CDH13: variants seen among roughly 807,000 people sequenced by gnomAD.
CDH13 encodes cadherin 13, also known as cadherin-13.
Under a neutral mutation model 63.8 loss-of-function variants are expected in CDH13, and 24 were observed. The ratio of observed to expected loss-of-function variants is 0.38; its 90% CI spans 0.27 to 0.53. CDH13 has a LOEUF of 0.53. Among genes scored for constraint, CDH13 ranks in the 20% least tolerant of loss-of-function variants. CDH13 has a pLI of 0.85. For synonymous variants in CDH13, 503 were observed against 355.3 expected, an observed-to-expected ratio of 1.42 and a Z score of -4.67; for missense variants, 1,049 against 903.1, an observed-to-expected ratio of 1.16 and a Z score of -2.07.
At chr16:83,361,293 TGTTGAATTATTTAA>T (rs1247090200) in intron 6 of CDH13, among the ~76,000 whole-genome samples, 1 of 152,206 alleles carries the variant, frequency 6.6e-6, no homozygotes, top group Non-Finnish European at 1.5e-5. Flanking sequence ...GTTTTTCGCT[TGTTGAATTATTTAA>T]GTTCCTTATA....
At chr16:83,373,201 A>G (rs748855759) in intron 6 of CDH13, among the ~76,000 whole-genome samples, 10 of 152,216 alleles carry the variant, frequency 6.6e-5, no homozygotes, top group Non-Finnish European at 8.8e-5. Flanking sequence ...AGCAGACGGC[A>G]TGCTCAAACT....
intron 8 of CDH13, among the ~76,000 whole-genome samples, chr16:83,636,237 C>A (rs1179137603): frequency 6.6e-6 from 1 of 152,226 alleles, no homozygotes; most frequent in East Asian, 1.9e-4. Flanking sequence ...TAAGGCTTCA[C>A]ATCAAGTAGA....
At chr16:83,392,020 C>G (rs879567758) in intron 6 of CDH13, among the ~76,000 whole-genome samples, 13 of 152,144 alleles carry the variant, frequency 8.5e-5, no homozygotes, top group Admixed American at 8.5e-4. Context: ...CGCGGGGTGT[C>G]TAACACCTAA....
At chr16:83,637,111 A>G (rs1911332901) in intron 8 of CDH13, among the ~76,000 whole-genome samples, 1 of 152,180 alleles carries the variant, frequency 6.6e-6, no homozygotes, top group Admixed American at 6.5e-5. Context: ...GGTTATTTGT[A>G]GAAAACCATT....
At chr16:82,921,981 AACCAGTTTGGT>A (rs1408568136) in intron 2 of CDH13, among the ~76,000 whole-genome samples, 2 of 152,106 alleles carry the variant, frequency 1.3e-5, no homozygotes, top group Non-Finnish European at 2.9e-5. Flanking sequence ...TTTCTTCTTG[AACCAGTTTGGT>A]AATTTGTGTC....
chr16:83,150,561 G>C (rs996242585), intron 4 of CDH13, among the ~76,000 whole-genome samples: 6 of 152,160 alleles, frequency 3.9e-5, no homozygotes, highest in Non-Finnish European at 8.8e-5. Context: ...GTGTCTTGTT[G>C]ATCCAGGTCT....
chr16:82,804,307 A>ATG (rs1555520742), intron 1 of CDH13, among the ~76,000 whole-genome samples: 338 of 148,302 alleles, frequency 2.3e-3, no homozygotes, highest in Non-Finnish European at 3.9e-3. Context: ...ACACACACAC[A>ATG]CACACGCACA....
At chr16:82,732,322 C>G (rs1330736580) in intron 1 of CDH13, among the ~76,000 whole-genome samples, 1 of 152,062 alleles carries the variant, frequency 6.6e-6, no homozygotes, top group African/African-American at 2.4e-5. Context: ...TCCATCCAGC[C>G]CAAGTTAAGT....
chr16:83,153,520 T>A (rs1269298501), intron 4 of CDH13, among the ~76,000 whole-genome samples: 1 of 152,204 alleles, frequency 6.6e-6, no homozygotes, highest in Non-Finnish European at 1.5e-5. Context: ...AGGGCTGTTA[T>A]CACCTTTGTT....
At chr16:83,208,972 A>G (rs1033753175) in intron 4 of CDH13, among the ~76,000 whole-genome samples, 4 of 152,050 alleles carry the variant, frequency 2.6e-5, no homozygotes, top group Admixed American at 1.3e-4. Context: ...TCCCTTTTCA[A>G]CTCCTAAGCA....
chr16:82,856,087 C>G (rs923549128), intron 1 of CDH13, among the ~76,000 whole-genome samples: 10 of 152,082 alleles, frequency 6.6e-5, no homozygotes, highest in Admixed American at 5.2e-4. Context: ...AAGAAAAATA[C>G]TAGCTGGGGC....
chr16:83,733,490 C>T (rs1290308206), intron 10 of CDH13, among the ~76,000 whole-genome samples: 1 of 152,210 alleles, frequency 6.6e-6, no homozygotes, highest in Admixed American at 6.5e-5. Flanking sequence ...CCTCTAAGTA[C>T]CTCCTTGCTT....
intron 1 of CDH13, among the ~76,000 whole-genome samples, chr16:82,794,254 C>G (rs147478920): frequency 6.6e-6 from 1 of 150,592 alleles, no homozygotes; most frequent in Non-Finnish European, 1.5e-5. Flanking sequence ...CTTCTTCTTC[C>G]ACTGTGGCCC....
intron 5 of CDH13, among the ~76,000 whole-genome samples, chr16:83,254,624 T>C (rs927076234): frequency 1.3e-5 from 2 of 152,198 alleles, no homozygotes; most frequent in Non-Finnish European, 2.9e-5. Context: ...TTCTGCCTTA[T>C]TGTGCTTAGT....
chr16:83,250,602 A>C (rs1161178615), intron 5 of CDH13, among the ~76,000 whole-genome samples: 1 of 152,006 alleles, frequency 6.6e-6, no homozygotes, highest in Admixed American at 6.6e-5. Context: ...CAGTTTGGAG[A>C]CTCCAGCAAC....
At chr16:83,248,313 A>G (rs562649856) in intron 5 of CDH13, among the ~76,000 whole-genome samples, 2 of 151,872 alleles carry the variant, frequency 1.3e-5, no homozygotes, top group African/African-American at 2.4e-5. Flanking sequence ...TAAAAATCCT[A>G]CCCTCTAGCT....
chr16:83,202,685 G>T (rs1172500080), intron 4 of CDH13, among the ~76,000 whole-genome samples: 1 of 152,160 alleles, frequency 6.6e-6, no homozygotes, highest in Non-Finnish European at 1.5e-5. Context: ...CAGGGAAAGG[G>T]CAGTCAACGT....
intron 5 of CDH13, among the ~76,000 whole-genome samples, chr16:83,229,640 T>C (rs2039947592): frequency 1.3e-5 from 2 of 152,196 alleles, no homozygotes; most frequent in Admixed American, 1.3e-4. Flanking sequence ...TTTCTCCCAG[T>C]GAGGCATTAG....
intron 7 of CDH13, among the ~76,000 whole-genome samples, chr16:83,493,965 A>G (rs2074077528): frequency 6.6e-6 from 1 of 152,220 alleles, no homozygotes; most frequent in Non-Finnish European, 1.5e-5. Context: ...AGCTTGTTAA[A>G]TAGATTAATA....
Sources: gnomAD v4.1 joint callset for allele counts (sites outside exome capture counted in the v4.1 genomes callset) on GRCh38, gnomAD v4.1.1 for gene constraint, MANE v1.5 for transcripts, NCBI Gene and HGNC (gene_info 2026-07-23, HGNC 2026-07-21) for gene names.